UNC45A: variants seen among roughly 807,000 people sequenced by gnomAD.
UNC45A encodes protein unc-45 homolog A.
A neutral mutation model predicts 103.2 loss-of-function variants in UNC45A; 78 were observed. That is an observed-to-expected ratio of 0.76 (90% CI 0.63 to 0.91). The LOEUF (loss-of-function observed/expected upper bound fraction) is 0.91. Among genes scored for constraint, UNC45A ranks in the 40% least tolerant of loss-of-function variants. The probability of loss-of-function intolerance (pLI) is 0.00; values close to 1 mark genes in which losing one functional copy is unlikely to be tolerated. For missense variants in UNC45A, 1,193 were observed against 1,224.8 expected (o/e 0.97, Z 0.39); for synonymous variants, 495 against 504.6 (o/e 0.98, Z 0.25).
upstream of UNC45A, chr15:90,932,939 A>C (rs2035855942): frequency 5.7e-6 from 1 of 176,400 alleles, no homozygotes; most frequent in African/African-American, 2.4e-5. Flanking sequence ...AGTCAGAGAC[A>C]GCTTCTCCCA....
chr15:90,940,709 T>A (rs2036250179), intron 6 of UNC45A: 1 of 308,758 alleles, frequency 3.2e-6, no homozygotes, highest in Admixed American at 4.9e-5. Flanking sequence ...GGTCAGGAGT[T>A]CAAGACCAGC....
upstream of UNC45A, chr15:90,932,125 C>T (rs1447920469): frequency 6.3e-7 from 1 of 1,579,430 alleles, no homozygotes; most frequent in East Asian, 2.2e-5. Context: ...CGGGGAGGGG[C>T]AAAGCAGGAA....
In UNC45A at chr15:90,953,576, A is replaced by G; in HGVS notation, c.2695A>G (p.Thr899Ala). The change falls in exon 20 of 20, where the codon ACC (threonine) becomes GCC (alanine). Residue 899 changes from threonine to alanine, a missense_variant. Transcript: ENST00000418476. Reference sequence around the variant, plus strand: ...GGAGGCCTCGAGGGAGATTGCCAGCACCCTGATGGAGAGTGAGATGATGGA... The same window carrying G: ...GGAGGCCTCGAGGGAGATTGCCAGCGCCCTGATGGAGAGTGAGATGATGGA... ...MVEASREIASTLMESEMMEIL... is the reference protein window; with the variant it reads ...MVEASREIASALMESEMMEIL... The G allele has an allele frequency of 1.2e-6, 2 of 1,614,114 alleles. No homozygotes were observed. The highest frequency in any genetic ancestry group is 2.2e-5 in the South Asian group (2 of 91,082).
At chr15:90,932,376 C>G, upstream of UNC45A, 1 of 1,147,914 alleles carries the variant, frequency 8.7e-7, no homozygotes. Context: ...GTTTCCTTCC[C>G]AGTCCCCACC....
At chr15:90,948,816 T>C in intron 13 of UNC45A, 22 bp downstream of exon 13, 1 of 1,576,206 alleles carries the variant, frequency 6.3e-7, no homozygotes, top group Non-Finnish European at 8.6e-7. Flanking sequence ...CCAGAGGGGC[T>C]AGAGGGTTCC....
At chr15:90,937,301 G>A (rs1482294301) in intron 4 of UNC45A, among the ~76,000 whole-genome samples, 1 of 152,082 alleles carries the variant, frequency 6.6e-6, no homozygotes, top group Non-Finnish European at 1.5e-5. Flanking sequence ...AGCTATGATC[G>A]TGCCACTGCA....
At chr15:90,932,517 C>A, upstream of UNC45A, 3 of 1,297,784 alleles carry the variant, frequency 2.3e-6, no homozygotes, top group Non-Finnish European at 2.9e-6. Flanking sequence ...CAGCCTCCAG[C>A]AGCTGCGCCG....
chr15:90,935,289 A>C lies in UNC45A; in HGVS notation c.-36A>C, dbSNP rs766615719. 6.3e-7 allele frequency: 1 copy of C among 1,584,016 alleles called. No homozygotes were observed. Among genetic ancestry groups the C allele is most frequent in the Non-Finnish European group, 8.6e-7 (1 of 1,167,916 alleles). ...AACCCAGACTCGCCCCGCCCCAGAG[A>C]CTGCGCCTGCGCGGGCACGAGACAA... On this transcript the variant is annotated 5_prime_UTR_variant, in exon 1 of 20. Transcript: ENST00000418476.
chr15:90,940,642 G>T (rs2036246706), intron 6 of UNC45A, 169 bp downstream of exon 6: 1 of 795,912 alleles, frequency 1.3e-6, no homozygotes, highest in African/African-American at 1.8e-5. Context: ...GTAGGTTATG[G>T]TGCCTCACAC....
At chr15:90,952,847 T>C (rs989421932) in intron 17 of UNC45A, 82 bp from the exon 18 acceptor site, 4 of 1,308,384 alleles carry the variant, frequency 3.1e-6, no homozygotes, top group South Asian at 1.3e-5. Flanking sequence ...ACCTCCAACA[T>C]TGGGGATTAT....
chr15:90,943,693 A>ATT (rs879622633), intron 8 of UNC45A, among the ~76,000 whole-genome samples: 3 of 144,662 alleles, frequency 2.1e-5, no homozygotes, highest in African/African-American at 5.0e-5. Context: ...AGCTTTCTGT[A>ATT]TTTTTTTTTT....
intron 3 of UNC45A, 49 bp downstream of exon 3, chr15:90,936,031 G>C: frequency 6.2e-7 from 1 of 1,611,106 alleles, no homozygotes; most frequent in Non-Finnish European, 8.5e-7. Flanking sequence ...TTCTGTGGTG[G>C]GCAAGGACTC....
upstream of UNC45A, chr15:90,931,121 G>C (rs2035773798): frequency 1.2e-6 from 1 of 857,488 alleles, no homozygotes; most frequent in African/African-American, 1.7e-5. Context: ...GTTAGCAGGA[G>C]ACCTTCAGAC....
upstream of UNC45A, chr15:90,932,747 C>T (rs1461347279): frequency 5.1e-6 from 2 of 395,704 alleles, no homozygotes; most frequent in Admixed American, 4.4e-5. Context: ...GCCCCCAGCT[C>T]AGTGTGCTCT....
chr15:90,940,471 C>G lies in UNC45A; in HGVS notation c.685C>G (p.Arg229Gly). 6.2e-7 allele frequency: 1 copy of G among 1,611,736 alleles called. No individual in the cohort carries two copies. The highest frequency in any genetic ancestry group is 1.7e-5 in the Admixed American group (1 of 59,862). Residue 229 changes from arginine (R) to glycine (G), a missense_variant and splice_region_variant, in exon 6 of 20, where the codon CGG becomes GGG. Arg to Gly is a moderately radical substitution (Grantham distance 125). Transcript: ENST00000418476. Reference sequence around the variant, plus strand: ...TGGCATTTGCTCTGAGCATCAGTCACGGGTAGGTGGAGTGGAGAGGCTGGT... The same window carrying G: ...TGGCATTTGCTCTGAGCATCAGTCAGGGGTAGGTGGAGTGGAGAGGCTGGT... Reference protein sequence around the residue: ...LVGICSEHQSRTVATLSILGT... With the variant: ...LVGICSEHQSGTVATLSILGT...
chr15:90,934,112 G>T (rs2035898253), upstream of UNC45A: 1 of 399,120 alleles, frequency 2.5e-6, no homozygotes, highest in Non-Finnish European at 4.4e-6. Flanking sequence ...TCTTCAGCTG[G>T]GTGACCCTTG....
intron 7 of UNC45A, 117 bp downstream of exon 7, chr15:90,942,722 C>A: frequency 6.5e-7 from 1 of 1,542,774 alleles, no homozygotes; most frequent in Non-Finnish European, 8.9e-7. Context: ...GTTTGGAATA[C>A]GGTTTGGTGA....
intron 4 of UNC45A, 104 bp downstream of exon 4, chr15:90,936,564 A>T (rs2036034111): frequency 7.3e-7 from 1 of 1,371,726 alleles, no homozygotes; most frequent in African/African-American, 1.5e-5. Context: ...TGGCAAGTGA[A>T]CCTTGCCTGT....
Position 90,936,460 on chromosome 15 carries a change from G to C in UNC45A, c.426G>C (p.Lys142Asn). 1.9e-6 allele frequency: 3 copies of C among 1,613,926 alleles called. No individual in the cohort carries two copies. The highest frequency in any genetic ancestry group is 2.5e-6 in the Non-Finnish European group (3 of 1,179,874). Residue 142 changes from lysine (K) to asparagine (N), a missense_variant and splice_region_variant, in exon 4 of 20, where the codon AAG (lysine) becomes AAC (asparagine). Transcript: ENST00000418476. ...LRNIGGQIQE[K>N]VRYMSSTDAK... Reference sequence around the variant, plus strand: ...ACATCGGGGGCCAGATTCAGGAGAAGGTATGTGAGTGACCCAGAGAGGTGG... The same window carrying C: ...ACATCGGGGGCCAGATTCAGGAGAACGTATGTGAGTGACCCAGAGAGGTGG...
Sources: allele counts gnomAD v4.1 joint callset (sites outside exome capture counted in the v4.1 genomes callset), GRCh38; gene constraint gnomAD v4.1.1; transcripts MANE v1.5; gene names NCBI Gene and HGNC (gene_info 2026-07-23, HGNC 2026-07-21).